The following EPM2A variants were observed in gnomAD, a reference collection of about 807,000 sequenced individuals.
EPM2A encodes EPM2A glucan phosphatase, laforin, also known as laforin.
A neutral mutation model predicts 26.5 loss-of-function variants in EPM2A; 21 were observed. That is an observed-to-expected ratio of 0.79 (90% CI 0.56 to 1.14). The LOEUF is 1.14. Ranked by LOEUF, EPM2A falls within the 50% of genes most tolerant of loss-of-function variation. The probability of loss-of-function intolerance (pLI) is 0.00; values close to 1 mark genes in which losing one functional copy is unlikely to be tolerated. For missense variants in EPM2A, 458 were observed against 440.8 expected, an observed-to-expected ratio of 1.04 and a Z score of -0.35; for synonymous variants, 217 against 177.6, an observed-to-expected ratio of 1.22 and a Z score of -1.76.
intron 2 of EPM2A, among the ~76,000 whole-genome samples, chr6:145,540,565 C>A (rs2114793722): frequency 6.6e-6 from 1 of 152,298 alleles, no homozygotes; most frequent in East Asian, 1.9e-4. Flanking sequence ...AAGGATCTTA[C>A]CGTTGCACAT....
At chr6:145,532,855 G>A (rs973261975) in intron 2 of EPM2A, among the ~76,000 whole-genome samples, 2 of 151,956 alleles carry the variant, frequency 1.3e-5, no homozygotes, top group East Asian at 1.9e-4. Context: ...ACTTCCTCGC[G>A]AACACCTAGT....
At chr6:145,487,263 C>A (rs1156479220) in intron 4 of EPM2A, among the ~76,000 whole-genome samples, 1 of 152,044 alleles carries the variant, frequency 6.6e-6, no homozygotes, top group Non-Finnish European at 1.5e-5. Flanking sequence ...TAGGTTGATT[C>A]CCTATCTTTG....
Position 145,626,897 on chromosome 6 carries a change from C to T in EPM2A, c.*519G>A. ...CTGTGAGGCAGGATAAAAAACAAGT[C>T]CTGAAAGCCATCACTTTTTGACCAT... On this transcript the variant is annotated 3_prime_UTR_variant, in exon 4 of 4. Coordinates refer to ENST00000367519, the MANE Select transcript of EPM2A (RefSeq NM_005670.4). 1.0e-6 allele frequency: 1 copy of T among 997,110 alleles called. No homozygotes were observed. The allele number at this position is 997,110 out of a possible 1,614,324, so 61.8% of individuals were successfully genotyped here.
intron 1 of EPM2A, among the ~76,000 whole-genome samples, chr6:145,731,771 C>CA (rs200177540): frequency 0.026 from 3,942 of 150,462 alleles, 138 homozygotes; most frequent in South Asian, 0.18. Flanking sequence ...TAATGAACAA[C>CA]AAAAAAAAGA....
intron 4 of EPM2A, among the ~76,000 whole-genome samples, chr6:145,465,793 T>C (rs1039751783): frequency 3.3e-5 from 5 of 152,160 alleles, no homozygotes; most frequent in Admixed American, 2.6e-4. Context: ...AACAGAGATA[T>C]AGATCAATGG....
At chr6:145,547,498 G>GTTTA (rs1294806172) in intron 2 of EPM2A, among the ~76,000 whole-genome samples, 1 of 152,080 alleles carries the variant, frequency 6.6e-6, no homozygotes, top group Non-Finnish European at 1.5e-5. Context: ...ACTTTTATGG[G>GTTTA]TTTAAGCCTT....
chr6:145,705,304 C>CA (rs1782156594), intron 1 of EPM2A, among the ~76,000 whole-genome samples: 1 of 151,908 alleles, frequency 6.6e-6, no homozygotes, highest in South Asian at 2.1e-4. Flanking sequence ...AACAAACAAA[C>CA]AACAAAATAT....
rs1266498954 is a variant in EPM2A at position 145,626,765 on chromosome 6, T to A, written c.*651A>T. ...CAAGGGTATTTTTTGCTTTGTTTGG[T>A]AATTTTGAGGAAAAACAACAACAAA... On this transcript the variant is annotated 3_prime_UTR_variant, in exon 4 of 4. Coordinates refer to ENST00000367519, the MANE Select transcript of EPM2A (RefSeq NM_005670.4). 1.0e-6 allele frequency: 1 copy of A among 985,976 alleles called. No homozygotes were observed. Among genetic ancestry groups the A allele is most frequent in the South Asian group, 4.7e-5 (1 of 21,306 alleles). The allele number at this position is 985,976 out of a possible 1,614,324, so 61.1% of individuals were successfully genotyped here.
Position 145,626,958 on chromosome 6 carries a change from AC to A in EPM2A, c.*457del. The A allele has an allele frequency of 1.9e-6, 2 of 1,042,560 alleles. No homozygotes were observed. The highest frequency in any genetic ancestry group is 2.3e-6 in the Non-Finnish European group (2 of 863,966). 64.6% of individuals were successfully genotyped at this position (1,042,560 alleles called of 1,614,324 possible). On this transcript the variant is annotated 3_prime_UTR_variant, in exon 4 of 4. Transcript: ENST00000367519. ...TCTTTTGTAACGGTTCAGGCTTCTA[AC>A]CTTATTTCCTCCTTTGGCAACTGAC...
chr6:145,502,961 G>A (rs1779914193), intron 2 of EPM2A, among the ~76,000 whole-genome samples: 1 of 152,162 alleles, frequency 6.6e-6, no homozygotes, highest in Admixed American at 6.5e-5. Flanking sequence ...GCAGAGCACA[G>A]ATTCCAAATG....
intron 4 of EPM2A, among the ~76,000 whole-genome samples, chr6:145,400,508 C>T (rs557407509): frequency 1.3e-5 from 2 of 152,214 alleles, no homozygotes; most frequent in African/African-American, 2.4e-5. Context: ...TTTGTGGTTT[C>T]GGCACAACAG....
At chr6:145,631,291 G>C (rs1776232502) in intron 3 of EPM2A, 1 of 152,118 alleles carries the variant, frequency 6.6e-6, no homozygotes. Flanking sequence ...AGCAGCTATA[G>C]ATAGGCTCCA....
At position 145,735,517 on chromosome 6, in the gene EPM2A, GA is replaced by G; in HGVS notation, c.-20del. 1 of 1,180,374 alleles carries G rather than the reference GA, an allele frequency of 8.5e-7. No individual in the cohort carries two copies. The highest frequency in any genetic ancestry group is 1.0e-6 in the Non-Finnish European group (1 of 954,900). The allele number at this position is 1,180,374 out of a possible 1,614,324, so 73.1% of individuals were successfully genotyped here. On this transcript the variant is annotated 5_prime_UTR_variant, in exon 1 of 4. Coordinates refer to ENST00000367519, the MANE Select transcript of EPM2A (RefSeq NM_005670.4). The stretch of plus-strand genomic sequence containing the variant: ...AGCGCATGGCGGGCGGCGGCGGCGC[GA>G]ATACCCGGGCCCGGAGTCCCCGCGG...
intron 2 of EPM2A, chr6:145,682,582 G>A (rs921220889): frequency 6.6e-6 from 1 of 152,060 alleles, no homozygotes; most frequent in Non-Finnish European, 1.5e-5. Flanking sequence ...TTTACATGTT[G>A]TCTTCCACTA....
At chr6:145,604,349 CAT>C (rs1336438170) in intron 2 of EPM2A, among the ~76,000 whole-genome samples, 1 of 152,000 alleles carries the variant, frequency 6.6e-6, no homozygotes, top group Non-Finnish European at 1.5e-5. Flanking sequence ...CGAAAAATAA[CAT>C]ATTAGATGTT....
At chr6:145,583,245 G>A (rs535908721) in intron 2 of EPM2A, among the ~76,000 whole-genome samples, 11 of 152,290 alleles carry the variant, frequency 7.2e-5, no homozygotes, top group African/African-American at 2.6e-4. Flanking sequence ...TTTTTGAGTT[G>A]CCAGATTTCT....
chr6:145,422,934 T>C (rs993836107), intron 4 of EPM2A, among the ~76,000 whole-genome samples: 17 of 152,128 alleles, frequency 1.1e-4, no homozygotes, highest in Non-Finnish European at 2.4e-4. Flanking sequence ...CTAAAATATT[T>C]AGCCTTGCTT....
At position 145,395,492 on chromosome 6, in the gene EPM2A, C is replaced by T. The variant is rs548080804; in HGVS notation, c.556-11395G>A. 1.1e-4 allele frequency among the ~76,000 whole-genome samples: 17 copies of T among 152,126 alleles called. No homozygotes were observed. In the South Asian group the frequency reaches 3.5e-3, roughly 32 times the overall value. On this transcript the variant is annotated intron_variant, in intron 4 of 4. Coordinates refer to the EPM2A transcript ENST00000638717. ...TTAGGACAGTCATGGCCATTTTCAC[C>T]CTCATTAAAGCTTTAAATCTACTGA...
intron 2 of EPM2A, among the ~76,000 whole-genome samples, chr6:145,511,771 G>C (rs1780057925): frequency 6.6e-6 from 1 of 152,140 alleles, no homozygotes; most frequent in Non-Finnish European, 1.5e-5. Context: ...GAGCTATCAG[G>C]CAAGAGAAAG....
Sources: gnomAD v4.1 joint callset for allele counts (sites outside exome capture counted in the v4.1 genomes callset) on GRCh38, gnomAD v4.1.1 for gene constraint, MANE v1.5 for transcripts, NCBI Gene and HGNC (gene_info 2026-07-23, HGNC 2026-07-21) for gene names.